MIPOL1: variants seen among roughly 807,000 people sequenced by gnomAD.
MIPOL1 encodes mirror-image polydactyly 1.
Under a neutral mutation model 60.9 loss-of-function variants are expected in MIPOL1, and 57 were observed. The ratio of observed to expected loss-of-function variants is 0.94; its 90% CI spans 0.76 to 1.17. The LOEUF is 1.17. Among genes scored for constraint, MIPOL1 ranks in the 50% most tolerant of loss-of-function variants. The probability of loss-of-function intolerance (pLI) is 0.00; values close to 1 mark genes in which losing one functional copy is unlikely to be tolerated. For synonymous variants in MIPOL1, 179 were observed against 168.8 expected, an observed-to-expected ratio of 1.06 and a Z score of -0.47; for missense variants, 551 against 511.6, an observed-to-expected ratio of 1.08 and a Z score of -0.74.
chr14:37,226,534 A>T (rs752804038), intron 1 of MIPOL1, among the ~76,000 whole-genome samples: 2 of 152,190 alleles, frequency 1.3e-5, no homozygotes, highest in African/African-American at 4.8e-5. Context: ...CGAGAACAGT[A>T]TGGGGGAAAC....
intron 1 of MIPOL1, among the ~76,000 whole-genome samples, chr14:37,205,226 C>A (rs1250822580): frequency 6.6e-6 from 1 of 151,988 alleles, no homozygotes; most frequent in East Asian, 1.9e-4. Flanking sequence ...CTTCAGCCTC[C>A]TGAGTAGCTG....
At chr14:37,303,116 A>T (rs2086461310) in intron 7 of MIPOL1, among the ~76,000 whole-genome samples, 1 of 151,962 alleles carries the variant, frequency 6.6e-6, no homozygotes, top group African/African-American at 2.4e-5. Context: ...GCTTTAAAAA[A>T]ATCAAATTGA....
At chr14:37,244,104 CTTTTTTTTTTTTTTTTTT>C (rs143933758) in intron 1 of MIPOL1, among the ~76,000 whole-genome samples, 5 of 51,590 alleles carry the variant, frequency 9.7e-5, no homozygotes, top group African/African-American at 1.7e-4. Flanking sequence ...GACTCACTTC[CTTTTTTTTTTTTTTTTTT>C]TTTTTTTTTT....
intron 9 of MIPOL1, among the ~76,000 whole-genome samples, chr14:37,350,904 G>A (rs985608649): frequency 3.9e-5 from 6 of 152,028 alleles, no homozygotes; most frequent in Non-Finnish European, 8.8e-5. Flanking sequence ...GCAAATGACA[G>A]GATCTCATTT....
At chr14:37,402,681 T>C (rs1195394977) in intron 10 of MIPOL1, among the ~76,000 whole-genome samples, 1 of 152,210 alleles carries the variant, frequency 6.6e-6, no homozygotes, top group Non-Finnish European at 1.5e-5. Context: ...GGCCTAAGTA[T>C]TTTTAAATTT....
At chr14:37,336,390 A>G (rs940261266) in intron 9 of MIPOL1, among the ~76,000 whole-genome samples, 2 of 148,812 alleles carry the variant, frequency 1.3e-5, no homozygotes, top group Admixed American at 1.3e-4. Context: ...AATTATTATT[A>G]TATTATTATT....
chr14:37,423,097 C>T (rs1314680599), intron 11 of MIPOL1, 148 bp downstream of exon 11: 2 of 554,338 alleles, frequency 3.6e-6, no homozygotes. Flanking sequence ...AAGATTCAGG[C>T]TTATAGTATT....
chr14:37,535,883 TTTTCC>T (rs2095504161), intron 12 of MIPOL1, among the ~76,000 whole-genome samples: 1 of 152,170 alleles, frequency 6.6e-6, no homozygotes, highest in Non-Finnish European at 1.5e-5. Context: ...TTCAATTTCT[TTTTCC>T]TTTCCTTTAT....
chr14:37,303,870 AG>A (rs1252496134), intron 7 of MIPOL1, among the ~76,000 whole-genome samples: 13 of 151,818 alleles, frequency 8.6e-5, no homozygotes, highest in Non-Finnish European at 8.8e-5. Context: ...ACAGCTTACA[AG>A]AAGGACTCCT....
At chr14:37,463,993 A>G (rs1017946939) in intron 11 of MIPOL1, among the ~76,000 whole-genome samples, 2 of 152,236 alleles carry the variant, frequency 1.3e-5, no homozygotes, top group Non-Finnish European at 2.9e-5. Flanking sequence ...TGTGGCCAAC[A>G]AACATATGAA....
At chr14:37,291,809 C>T (rs2085081730) in intron 7 of MIPOL1, among the ~76,000 whole-genome samples, 1 of 151,996 alleles carries the variant, frequency 6.6e-6, no homozygotes, top group Non-Finnish European at 1.5e-5. Context: ...CTAAACTTGC[C>T]CTTCTATAAT....
chr14:37,209,930 TA>T (rs1966665947), intron 1 of MIPOL1, among the ~76,000 whole-genome samples: 1 of 151,920 alleles, frequency 6.6e-6, no homozygotes, highest in South Asian at 2.1e-4. Context: ...AGACTAGTCT[TA>T]AACTCTGCTC....
intron 11 of MIPOL1, among the ~76,000 whole-genome samples, chr14:37,479,042 G>T (rs988701046): frequency 6.6e-6 from 1 of 152,084 alleles, no homozygotes; most frequent in East Asian, 1.9e-4. Context: ...GAGATAAATT[G>T]CAACATAATA....
Position 37,548,057 on chromosome 14 carries a change from A to G in MIPOL1, c.*1086A>G, listed in dbSNP as rs2095552621. ...AGGCAAAATACTTTCATATTTTTAGATTAGACAGACGAAAGACCAAGAGGA... is the reference window on the plus strand; with the variant it reads ...AGGCAAAATACTTTCATATTTTTAGGTTAGACAGACGAAAGACCAAGAGGA... On this transcript the variant is annotated 3_prime_UTR_variant, in exon 13 of 13. Coordinates refer to ENST00000684589, the MANE Select transcript of MIPOL1 (RefSeq NM_001388067.1). The G allele has an allele frequency of 6.6e-6, 1 of 152,096 alleles. No individual in the cohort carries two copies. The highest frequency in any genetic ancestry group is 1.5e-5 in the Non-Finnish European group (1 of 67,942). 9.4% of individuals were successfully genotyped at this position (152,096 alleles called of 1,614,324 possible). A position where few individuals can be genotyped will look rare whatever the true frequency, so the allele number is the denominator to read the frequency against.
intron 10 of MIPOL1, among the ~76,000 whole-genome samples, chr14:37,387,812 G>A (rs1595534398): frequency 1.3e-5 from 2 of 151,692 alleles, no homozygotes; most frequent in Non-Finnish European, 2.9e-5. Flanking sequence ...AAAATATTGG[G>A]TGTTTTACAA....
intron 11 of MIPOL1, among the ~76,000 whole-genome samples, chr14:37,463,496 T>C (rs936252104): frequency 6.6e-6 from 1 of 152,050 alleles, no homozygotes; most frequent in Admixed American, 6.5e-5. Flanking sequence ...TTGATAAAAA[T>C]ATACAGTGGA....
intron 1 of MIPOL1, among the ~76,000 whole-genome samples, chr14:37,205,714 C>T (rs540481821): frequency 1.4e-4 from 22 of 152,166 alleles, no homozygotes; most frequent in African/African-American, 3.6e-4. Context: ...TGAGAACTTG[C>T]GGTGTTTGGT....
chr14:37,281,873 G>C (rs890633800), intron 6 of MIPOL1, among the ~76,000 whole-genome samples: 1 of 152,084 alleles, frequency 6.6e-6, no homozygotes, highest in African/African-American at 2.4e-5. Flanking sequence ...AATTTTGATA[G>C]GGATTGCATT....
chr14:37,351,102 T>C (rs542925999), intron 9 of MIPOL1, among the ~76,000 whole-genome samples: 144 of 137,698 alleles, frequency 1.0e-3, no homozygotes, highest in African/African-American at 3.6e-3. Context: ...TATTCCCCTT[T>C]CTGTGTCCAT....
Sources: gnomAD v4.1 joint callset for allele counts (sites outside exome capture counted in the v4.1 genomes callset) on GRCh38, gnomAD v4.1.1 for gene constraint, MANE v1.5 for transcripts, NCBI Gene and HGNC (gene_info 2026-07-23, HGNC 2026-07-21) for gene names.